Variants in ADAMTS13 observed in about 807,000 individuals in gnomAD.
ADAMTS13 encodes ADAM metallopeptidase with thrombospondin type 1 motif 13.
Under a neutral mutation model 155.1 loss-of-function variants are expected in ADAMTS13, and 110 were observed. That is an observed-to-expected ratio of 0.71 (90% CI 0.61 to 0.83). ADAMTS13 has a LOEUF of 0.83. Among genes scored for constraint, ADAMTS13 ranks in the 40% least tolerant of loss-of-function variants. The probability of loss-of-function intolerance (pLI) is 0.00; values close to 1 mark genes in which losing one functional copy is unlikely to be tolerated. For synonymous variants in ADAMTS13, 758 were observed against 756.4 expected (o/e 1.00, Z -0.03); for missense variants, 1,707 against 1,891.7 (o/e 0.90, Z 1.81).
chr9:133,455,056 G>A (rs1453626884), intron 24 of ADAMTS13, among the ~76,000 whole-genome samples: 1 of 152,170 alleles, frequency 6.6e-6, no homozygotes, highest in Non-Finnish European at 1.5e-5. Context: ...GGACAGAGAG[G>A]CCGTGAGGGT....
intron 6 of ADAMTS13, among the ~76,000 whole-genome samples, chr9:133,427,442 C>G (rs971472203): frequency 7.2e-5 from 11 of 152,184 alleles, no homozygotes; most frequent in African/African-American, 2.7e-4. Context: ...ATTCCTTGCC[C>G]ACCAACCCCC....
At chr9:133,414,521 G>T (rs1554781031) in exon 1 of ADAMTS13, 1 of 791,574 alleles carries the variant, frequency 1.3e-6, no homozygotes, top group Non-Finnish European at 2.2e-6. Flanking sequence ...GGGAAAACAA[G>T]TAACAGCGAG....
intron 16 of ADAMTS13, among the ~76,000 whole-genome samples, chr9:133,442,003 G>A (rs1483813372): frequency 2.0e-5 from 3 of 152,090 alleles, no homozygotes; most frequent in African/African-American, 2.4e-5. Flanking sequence ...TTACCTCCCC[G>A]AGCCCTCTAT....
chr9:133,417,991 A>AC (rs1311024947), upstream of ADAMTS13: 14 of 707,064 alleles, frequency 2.0e-5, no homozygotes, highest in East Asian at 2.4e-4. Flanking sequence ...TCCGGAAGAG[A>AC]CCCCGCACGC....
Position 133,428,720 on chromosome 9 carries a change from C to T in ADAMTS13, c.773C>T (p.Ala258Val). 7 of 1,351,438 alleles carry T rather than the reference C, an allele frequency of 5.2e-6. No homozygotes were observed. Among genetic ancestry groups the T allele is most frequent in the Non-Finnish European group, 6.7e-6 (7 of 1,050,038 alleles). 83.7% of individuals were successfully genotyped at this position (1,351,438 alleles called of 1,614,324 possible). Residue 258 changes from alanine to valine, a missense_variant, in exon 7 of 29, where the codon GCC becomes GTC. By Grantham distance (64) the Ala-to-Val change is moderately conservative (BLOSUM62 0). This residue lies in a region of ADAMTS13 where 733 missense variants were observed against 749.6 expected (regional missense o/e 0.98). Transcript: ENST00000355699. The stretch of plus-strand genomic sequence containing the variant: ...GCTTCGGACGGCGCCGCGCCCCGCG[C>T]CGGCCTCGCCTGGTCCCCCTGCAGC... ...VMASDGAAPR[A>V]GLAWSPCSRR...
intron 21 of ADAMTS13, 139 bp from the exon 22 acceptor site, chr9:133,448,460 G>A: frequency 1.9e-6 from 2 of 1,080,518 alleles, no homozygotes; most frequent in Admixed American, 3.4e-5. Flanking sequence ...AGTTGTCTGA[G>A]GTCACACAGC....
At position 133,440,539 on chromosome 9, in the gene ADAMTS13, C is replaced by G. The variant is rs917197299; in HGVS notation, c.1968+14C>G. On this transcript the variant is annotated intron_variant, in intron 16 of 28. Coordinates refer to ENST00000355699, the MANE Select transcript of ADAMTS13 (RefSeq NM_139027.6). The surrounding 1 kb of genome is among the most constrained non-coding windows in gnomAD (Gnocchi z 4.3). Reference sequence around the variant, plus strand: ...GCTGACATCCAGGTCAGCAGGAGAGCCTGGGGGAGGCCAGTGGGGGCTTCT... The same window carrying G: ...GCTGACATCCAGGTCAGCAGGAGAGGCTGGGGGAGGCCAGTGGGGGCTTCT... 6.3e-7 allele frequency: 1 copy of G among 1,586,122 alleles called. No homozygotes were observed. Among genetic ancestry groups the G allele is most frequent in the Middle Eastern group, 1.7e-4 (1 of 5,954 alleles).
intron 11 of ADAMTS13, among the ~76,000 whole-genome samples, chr9:133,436,027 A>G (rs1326605789): frequency 7.5e-6 from 1 of 132,820 alleles, no homozygotes; most frequent in Non-Finnish European, 1.6e-5. Flanking sequence ...CATGTTGGCC[A>G]GGCTGGTCTT....
chr9:133,449,883 G>A lies in ADAMTS13; in HGVS notation c.2962G>A (p.Glu988Lys). Residue 988 changes from glutamate (E) to lysine (K), a missense_variant, in exon 23 of 29, where the codon GAG becomes AAG. Around this residue, in one of 3 missense-constraint regions of ADAMTS13, gnomAD observed 961 missense variants for 1,107.9 expected, o/e 0.87. Transcript: ENST00000355699. The stretch of plus-strand genomic sequence containing the variant: ...GGCCCATGGGGAGGACGATGGTGAG[G>A]AGATCCTGTTGGACACCCAGTGCCA... ...ARAHGEDDGE[E>K]ILLDTQCQGL... 6.2e-7 allele frequency: 1 copy of A among 1,613,982 alleles called. No homozygotes were observed. Among genetic ancestry groups the A allele is most frequent in the Non-Finnish European group, 8.5e-7 (1 of 1,180,028 alleles).
At chr9:133,418,003 T>C, upstream of ADAMTS13, 1 of 661,060 alleles carries the variant, frequency 1.5e-6, no homozygotes, top group Non-Finnish European at 2.5e-6. Context: ...CCCGCACGCG[T>C]TGCGCATACC....
At position 133,452,237 on chromosome 9, in the gene ADAMTS13, C is replaced by T. The variant is rs183938666; in HGVS notation, c.3045-2178C>T. Among the ~76,000 whole-genome samples, 167 of 152,070 alleles carry T rather than the reference C, an allele frequency of 1.1e-3. 1 individual carries two copies. Among genetic ancestry groups the T allele is most frequent in the African/African-American group, 3.9e-3 (163 of 41,444 alleles). On this transcript the variant is annotated intron_variant, in intron 23 of 28. Transcript: ENST00000355699. Reference sequence around the variant, plus strand: ...AAGTGATTTTCATGCCTCAGCTTCCCGAGTAGCTGGGATTACAGGTGCCCG... The same window carrying T: ...AAGTGATTTTCATGCCTCAGCTTCCTGAGTAGCTGGGATTACAGGTGCCCG...
chr9:133,414,677 GC>G (rs1554781106), intron 1 of ADAMTS13: 1 of 1,613,848 alleles, frequency 6.2e-7, no homozygotes, highest in Admixed American at 1.7e-5. Flanking sequence ...GGTGGGTGGG[GC>G]TGGGGCTGCC....
At chr9:133,417,504 G>T (rs587696165), upstream of ADAMTS13, 1,560 of 1,089,490 alleles carry the variant, frequency 1.4e-3, 2 homozygotes, top group Admixed American at 1.9e-3. Flanking sequence ...CTGTTTACAA[G>T]ATTTCGATTC....
At chr9:133,422,685 G>C in intron 1 of ADAMTS13, 137 bp downstream of exon 1, 2 of 797,994 alleles carry the variant, frequency 2.5e-6, no homozygotes, top group Non-Finnish European at 4.1e-6. Context: ...GTCTGTACTT[G>C]GGGCTTTGGG....
chr9:133,437,965 A>G, intron 13 of ADAMTS13, 68 bp downstream of exon 13: 1 of 1,607,554 alleles, frequency 6.2e-7, no homozygotes, highest in Non-Finnish European at 8.5e-7. Flanking sequence ...TCCTGGGGGC[A>G]GGTTGGTGGG....
intron 8 of ADAMTS13, among the ~76,000 whole-genome samples, chr9:133,430,670 A>G (rs937403782): frequency 5.9e-5 from 9 of 151,588 alleles, no homozygotes; most frequent in African/African-American, 2.2e-4. Context: ...ATGTGTTACT[A>G]TAAATACAAG....
intron 8 of ADAMTS13, among the ~76,000 whole-genome samples, chr9:133,432,269 A>C (rs1215357418): frequency 6.6e-6 from 1 of 152,232 alleles, no homozygotes; most frequent in Non-Finnish European, 1.5e-5. Flanking sequence ...GTCTCAAAAA[A>C]AAACAAGAAA....
chr9:133,417,883 G>A (rs1165206845), upstream of ADAMTS13: 3 of 1,581,798 alleles, frequency 1.9e-6, no homozygotes, highest in East Asian at 2.2e-5. Flanking sequence ...GGCCACCCGA[G>A]ACCCCGGCCT....
intron 15 of ADAMTS13, among the ~76,000 whole-genome samples, chr9:133,439,832 GAC>G (rs1841525858): frequency 6.6e-6 from 1 of 152,236 alleles, no homozygotes; most frequent in Non-Finnish European, 1.5e-5. Flanking sequence ...TGAGTGCAAA[GAC>G]ATGATTGACT....
Sources: gnomAD v4.1 joint callset for allele counts (sites outside exome capture counted in the v4.1 genomes callset) on GRCh38, gnomAD v4.1.1 for gene constraint, gnomAD v4.1.1 regional missense constraint, Gnocchi (gnomAD v3.1) non-coding constraint, MANE v1.5 for transcripts, NCBI Gene and HGNC (gene_info 2026-07-23, HGNC 2026-07-21) for gene names.